Variants in IL6R observed in about 807,000 individuals in gnomAD.
IL6R encodes the protein interleukin-6 receptor subunit alpha.
In IL6R, 38 loss-of-function variants were observed where a neutral mutation model predicts 48.3. The ratio of observed to expected loss-of-function variants is 0.79; its 90% CI spans 0.61 to 1.03. IL6R has a LOEUF of 1.03. Among genes scored for constraint, IL6R ranks in the 50% least tolerant of loss-of-function variants. The pLI, the probability that IL6R is intolerant of heterozygous loss-of-function variation, is 0.00. For synonymous variants in IL6R, 264 were observed against 256.2 expected, an observed-to-expected ratio of 1.03 and a Z score of -0.29; for missense variants, 534 against 618.3, an observed-to-expected ratio of 0.86 and a Z score of 1.45.
At chr1:154,440,386 T>C (rs559638543) in intron 6 of IL6R, among the ~76,000 whole-genome samples, 30 of 152,374 alleles carry the variant, frequency 2.0e-4, no homozygotes, top group African/African-American at 7.0e-4. Context: ...TCTGTTTAGA[T>C]TCCTGCTTTC....
Position 154,454,479 on chromosome 1 carries a change from T to C in IL6R, c.1067-9T>C. ...TCCTCCTCTATCTTCAATTTTTTTT[T>C]TAACCTAGTGCAAGATTCTTCTTCA... is the stretch of plus-strand genomic sequence containing the variant. On this transcript the variant is annotated splice_polypyrimidine_tract_variant and intron_variant, in intron 8 of 9. Transcript: ENST00000368485. The C allele has an allele frequency of 1.3e-6, 2 of 1,593,486 alleles. No homozygotes were observed. The highest frequency in any genetic ancestry group is 1.7e-6 in the Non-Finnish European group (2 of 1,162,092).
chr1:154,416,100 C>T (rs1195187604), intron 1 of IL6R, among the ~76,000 whole-genome samples: 4 of 152,086 alleles, frequency 2.6e-5, no homozygotes, highest in Admixed American at 1.3e-4. Flanking sequence ...GTGCCAGTAT[C>T]GCACTGTTTT....
At chr1:154,433,705 TCATC>T (rs1417992638) in intron 3 of IL6R, among the ~76,000 whole-genome samples, 7 of 150,464 alleles carry the variant, frequency 4.7e-5, no homozygotes, top group Admixed American at 2.0e-4. Flanking sequence ...GCTAGTTTCC[TCATC>T]TCTAGATTTT....
At chr1:154,422,875 C>T (rs936232252) in intron 1 of IL6R, among the ~76,000 whole-genome samples, 4 of 152,182 alleles carry the variant, frequency 2.6e-5, no homozygotes, top group East Asian at 1.9e-4. Context: ...GGTTCCTCAT[C>T]GTGTCTCTTC....
At chr1:154,452,422 T>C (rs1690635203) in intron 8 of IL6R, among the ~76,000 whole-genome samples, 1 of 152,246 alleles carries the variant, frequency 6.6e-6, no homozygotes, top group Non-Finnish European at 1.5e-5. Context: ...GCACTTGCTG[T>C]GTGCTCTGCC....
rs555259878 is a variant in IL6R at position 154,469,006 on chromosome 1, C to A, written c.*3626C>A. On this transcript the variant is annotated 3_prime_UTR_variant, in exon 10 of 10. Coordinates refer to ENST00000368485, the MANE Select transcript of IL6R (RefSeq NM_000565.4). ...AGGGGCAGGCGGGCCAGTTCAGGGT[C>A]CGTGCCAGGCCCTCCTCAGTGCCCT... 17 of 152,356 alleles carry A rather than the reference C, an allele frequency of 1.1e-4. No homozygotes were observed. 9.4% of individuals were successfully genotyped at this position (152,356 alleles called of 1,614,324 possible).
chr1:154,452,439 C>T (rs778443853), intron 8 of IL6R, among the ~76,000 whole-genome samples: 7 of 152,196 alleles, frequency 4.6e-5, no homozygotes, highest in African/African-American at 7.2e-5. Context: ...TGCCTGGACA[C>T]GCTTCCTCTG....
In IL6R at chr1:154,465,548, C is replaced by G. The variant is rs1391870233; in HGVS notation, c.*168C>G. The stretch of plus-strand genomic sequence containing the variant: ...TACGCCAGGGGAAAATCAGCCTGCT[C>G]CAGCTGTTCAGCTGGTTGAGGTTTC... On this transcript the variant is annotated 3_prime_UTR_variant, in exon 10 of 10. Transcript: ENST00000368485. 5.6e-6 allele frequency: 4 copies of G among 713,222 alleles called. No individual in the cohort carries two copies. In the Admixed American group the frequency reaches 1.1e-4, roughly 20 times the overall value. The allele number at this position is 713,222 out of a possible 1,614,324, so 44.2% of individuals were successfully genotyped here.
intron 1 of IL6R, among the ~76,000 whole-genome samples, chr1:154,419,487 A>G (rs143677345): frequency 1.3e-3 from 195 of 152,312 alleles, no homozygotes; most frequent in African/African-American, 4.4e-3. Flanking sequence ...TATTGCTGAC[A>G]GGGGACCTTT....
intron 8 of IL6R, among the ~76,000 whole-genome samples, chr1:154,453,857 C>T (rs1690726534): frequency 6.6e-6 from 1 of 152,024 alleles, no homozygotes; most frequent in African/African-American, 2.4e-5. Flanking sequence ...AAGGGTGCAG[C>T]AAAGGTAGAG....
intron 1 of IL6R, among the ~76,000 whole-genome samples, chr1:154,425,361 T>G (rs1273509527): frequency 6.6e-6 from 1 of 152,162 alleles, no homozygotes; most frequent in African/African-American, 2.4e-5. Flanking sequence ...GCCACCCTCT[T>G]TGATATGGCA....
intron 1 of IL6R, among the ~76,000 whole-genome samples, chr1:154,419,901 G>T (rs1442766315): frequency 6.6e-6 from 1 of 152,194 alleles, no homozygotes; most frequent in Non-Finnish European, 1.5e-5. Flanking sequence ...TCCCAACTGG[G>T]GAGGAACCCC....
At chr1:154,434,805 T>C in intron 4 of IL6R, 105 bp downstream of exon 4, 1 of 1,290,324 alleles carries the variant, frequency 7.7e-7, no homozygotes, top group Non-Finnish European at 1.1e-6. Context: ...AGGGGTTTGG[T>C]GAGTTGGTGC....
chr1:154,433,643 C>T (rs34135300), intron 3 of IL6R, among the ~76,000 whole-genome samples: 3 of 152,176 alleles, frequency 2.0e-5, no homozygotes, highest in Non-Finnish European at 4.4e-5. Context: ...TAGCTCCCCT[C>T]ACCCCTCGTG....
At chr1:154,453,554 T>G (rs1690708438) in intron 8 of IL6R, among the ~76,000 whole-genome samples, 1 of 152,234 alleles carries the variant, frequency 6.6e-6, no homozygotes, top group Non-Finnish European at 1.5e-5. Context: ...CTGGCAGTGG[T>G]AGGAAGAGCC....
intron 1 of IL6R, among the ~76,000 whole-genome samples, chr1:154,417,508 T>C (rs1688420609): frequency 6.6e-6 from 1 of 152,128 alleles, no homozygotes; most frequent in South Asian, 2.1e-4. Context: ...CGTCCTGCTT[T>C]TAATCTCTTT....
chr1:154,417,734 T>C (rs1688433249), intron 1 of IL6R, among the ~76,000 whole-genome samples: 1 of 116,736 alleles, frequency 8.6e-6, no homozygotes, highest in Admixed American at 1.1e-4. Flanking sequence ...TATGCCCAGC[T>C]AATTTTTTTT....
intron 6 of IL6R, among the ~76,000 whole-genome samples, chr1:154,441,575 T>C (rs1208586091): frequency 6.6e-6 from 1 of 152,104 alleles, no homozygotes; most frequent in African/African-American, 2.4e-5. Flanking sequence ...AGAGGGGGAT[T>C]CAGGTTGGAA....
intron 8 of IL6R, among the ~76,000 whole-genome samples, chr1:154,451,691 C>G (rs908567271): frequency 2.0e-5 from 3 of 151,926 alleles, no homozygotes; most frequent in African/African-American, 7.3e-5. Context: ...CATGCACCAC[C>G]ACGCCTGGCT....
Sources: allele counts gnomAD v4.1 joint callset (sites outside exome capture counted in the v4.1 genomes callset), GRCh38; gene constraint gnomAD v4.1.1; transcripts MANE v1.5; gene names NCBI Gene and HGNC (gene_info 2026-07-23, HGNC 2026-07-21).